The following CNTNAP2 variants were observed in gnomAD, a reference collection of about 807,000 sequenced individuals.
CNTNAP2 encodes contactin associated protein 2, also known as contactin-associated protein-like 2.
CNTNAP2 carries 98 observed loss-of-function variants against 155.2 expected under a neutral mutation model. The ratio of observed to expected loss-of-function variants is 0.63; its 90% CI spans 0.54 to 0.75. CNTNAP2 has a LOEUF of 0.75. Ranked by LOEUF, CNTNAP2 falls within the 30% of genes least tolerant of loss-of-function variation. The pLI, the probability that CNTNAP2 is intolerant of heterozygous loss-of-function variation, is 0.00. For synonymous variants in CNTNAP2, 651 were observed against 631.2 expected (o/e 1.03, Z -0.47); for missense variants, 1,727 against 1,688.1 (o/e 1.02, Z -0.40).
At chr7:147,599,245 G>C (rs7797373) in intron 12 of CNTNAP2, among the ~76,000 whole-genome samples, 59,163 of 151,566 alleles carry the variant, frequency 0.39, 11,555 homozygotes, top group Admixed American at 0.43. Flanking sequence ...GGGAGGCCAA[G>C]GTGGGTCAAT....
At chr7:146,862,319 G>A (rs1333248502) in intron 3 of CNTNAP2, among the ~76,000 whole-genome samples, 15 of 152,000 alleles carry the variant, frequency 9.9e-5, no homozygotes, top group Admixed American at 9.8e-4. Flanking sequence ...TGTAGCATTT[G>A]GACCTTTCTT....
intron 1 of CNTNAP2, among the ~76,000 whole-genome samples, chr7:146,229,733 C>G (rs1196879370): frequency 7.1e-6 from 1 of 141,012 alleles, no homozygotes; most frequent in Non-Finnish European, 1.6e-5. Context: ...TTTTTTTTTT[C>G]TTATTAAAAA....
chr7:147,126,011 C>T (rs1442965993), intron 6 of CNTNAP2, among the ~76,000 whole-genome samples: 1 of 152,182 alleles, frequency 6.6e-6, no homozygotes, highest in Non-Finnish European at 1.5e-5. Context: ...CTTTGCACTT[C>T]AGCTAGCAAG....
intron 9 of CNTNAP2, among the ~76,000 whole-genome samples, chr7:147,356,770 A>G (rs826821): frequency 0.51 from 76,840 of 151,960 alleles, 19,984 homozygotes; most frequent in East Asian, 0.72. Flanking sequence ...GAGGGAAAAT[A>G]TAATGTCATA....
intron 15 of CNTNAP2, among the ~76,000 whole-genome samples, chr7:148,091,742 G>A (rs1803845842): frequency 6.6e-6 from 1 of 152,088 alleles, no homozygotes; most frequent in Non-Finnish European, 1.5e-5. Flanking sequence ...ATATTGAACT[G>A]TTTCCATGGA....
At chr7:148,352,871 AG>A (rs1224054190) in intron 21 of CNTNAP2, among the ~76,000 whole-genome samples, 1 of 152,180 alleles carries the variant, frequency 6.6e-6, no homozygotes, top group Non-Finnish European at 1.5e-5. Context: ...CTCCTTTGCC[AG>A]CACCTCCCTT....
intron 1 of CNTNAP2, among the ~76,000 whole-genome samples, chr7:146,389,691 CTTTTCTT>C (rs1392699663): frequency 2.1e-5 from 3 of 143,512 alleles, no homozygotes; most frequent in African/African-American, 7.8e-5. Flanking sequence ...TTTCTTTTTT[CTTTTCTT>C]TTTTCTTTTT....
chr7:148,379,383 GAAA>G (rs1373824162), intron 21 of CNTNAP2, among the ~76,000 whole-genome samples: 3 of 152,068 alleles, frequency 2.0e-5, no homozygotes, highest in Non-Finnish European at 4.4e-5. Context: ...AGGAAAAGAA[GAAA>G]TCTCCTTTGA....
At chr7:146,682,472 TGTTA>T (rs1462682969) in intron 1 of CNTNAP2, among the ~76,000 whole-genome samples, 1 of 152,210 alleles carries the variant, frequency 6.6e-6, no homozygotes, top group Non-Finnish European at 1.5e-5. Context: ...CCAAACTTCA[TGTTA>T]GTTCACAGAT....
intron 1 of CNTNAP2, among the ~76,000 whole-genome samples, chr7:146,736,810 T>C (rs933288670): frequency 3.9e-5 from 6 of 152,198 alleles, no homozygotes; most frequent in African/African-American, 1.4e-4. Flanking sequence ...AACTGGATCA[T>C]ATGAGTAAGG....
At position 148,121,219 on chromosome 7, in the gene CNTNAP2, G is replaced by A. The variant is rs894819518; in HGVS notation, c.2554+2931G>A. 2.0e-5 allele frequency among the ~76,000 whole-genome samples: 3 copies of A among 151,988 alleles called. No homozygotes were observed. The South Asian group carries it at 6.2e-4, about 32-fold the overall frequency. On this transcript the variant is annotated intron_variant, in intron 16 of 23. Coordinates refer to ENST00000361727, the MANE Select transcript of CNTNAP2 (RefSeq NM_014141.6). ...CTGGCTAATTTTTGTATTTTTAGTA[G>A]AGACGGGCTTTCACCATCTTGGCCA...
chr7:146,473,785 C>A (rs1446273851), intron 1 of CNTNAP2, among the ~76,000 whole-genome samples: 1 of 152,160 alleles, frequency 6.6e-6, no homozygotes, highest in Non-Finnish European at 1.5e-5. Context: ...ATTCAGTAAT[C>A]CACAATGGGA....
intron 1 of CNTNAP2, among the ~76,000 whole-genome samples, chr7:146,696,679 A>C (rs1800787961): frequency 6.6e-6 from 1 of 151,856 alleles, no homozygotes; most frequent in Non-Finnish European, 1.5e-5. Context: ...CTCTCTCATC[A>C]CTGGTTTTGT....
At chr7:146,981,827 A>C (rs1172316270) in intron 3 of CNTNAP2, among the ~76,000 whole-genome samples, 3 of 152,186 alleles carry the variant, frequency 2.0e-5, no homozygotes, top group Non-Finnish European at 4.4e-5. Context: ...AAGTAGATGA[A>C]GATGGTATAA....
chr7:146,882,991 C>T (rs559395502), intron 3 of CNTNAP2, among the ~76,000 whole-genome samples: 6 of 152,130 alleles, frequency 3.9e-5, no homozygotes, highest in Non-Finnish European at 5.9e-5. Context: ...GACCACACTG[C>T]CCAAAGCAAT....
intron 10 of CNTNAP2, among the ~76,000 whole-genome samples, chr7:147,406,203 G>C (rs542457448): frequency 6.6e-6 from 1 of 152,180 alleles, no homozygotes; most frequent in South Asian, 2.1e-4. Flanking sequence ...GAAAAGGAAA[G>C]GAGAGGAGAG....
At chr7:146,551,683 G>A (rs1024216887) in intron 1 of CNTNAP2, among the ~76,000 whole-genome samples, 2 of 152,078 alleles carry the variant, frequency 1.3e-5, no homozygotes, top group Non-Finnish European at 2.9e-5. Context: ...TGTTATATAA[G>A]TAGTGTTATT....
At chr7:148,220,943 C>T (rs988055548) in intron 19 of CNTNAP2, among the ~76,000 whole-genome samples, 3 of 152,150 alleles carry the variant, frequency 2.0e-5, no homozygotes, top group African/African-American at 7.2e-5. Context: ...GGTCCCTCCC[C>T]AGGAGGAGGG....
intron 3 of CNTNAP2, among the ~76,000 whole-genome samples, chr7:146,916,485 T>C (rs954797202): frequency 2.6e-5 from 4 of 152,144 alleles, no homozygotes; most frequent in African/African-American, 4.8e-5. Flanking sequence ...GATAACTTTT[T>C]AATTACCATT....
Sources: allele counts gnomAD v4.1 joint callset (sites outside exome capture counted in the v4.1 genomes callset), GRCh38; gene constraint gnomAD v4.1.1; transcripts MANE v1.5; gene names NCBI Gene and HGNC (gene_info 2026-07-23, HGNC 2026-07-21).